The following TULP3 variants were observed in gnomAD, a reference collection of about 807,000 sequenced individuals.
TULP3 encodes TUB like protein 3.
In TULP3, 38 loss-of-function variants were observed where a neutral mutation model predicts 50.7. The observed-to-expected ratio is 0.75, with a 90% CI of 0.58 to 0.98. The LOEUF (loss-of-function observed/expected upper bound fraction) is 0.98, where lower values mean the gene tolerates loss of function less well. TULP3 is among the 50% of genes least tolerant of loss of function. TULP3 has a pLI of 0.00. For missense variants in TULP3, 550 were observed against 568.0 expected, an observed-to-expected ratio of 0.97 and a Z score of 0.32; for synonymous variants, 183 against 196.6, an observed-to-expected ratio of 0.93 and a Z score of 0.58.
At chr12:2,937,053 C>T (rs1377976468) in intron 8 of TULP3, among the ~76,000 whole-genome samples, 1 of 151,096 alleles carries the variant, frequency 6.6e-6, no homozygotes, top group Non-Finnish European at 1.5e-5. Context: ...TTGCAGTGAG[C>T]TGAGATTGTG....
chr12:2,905,746 C>T (rs2098181830), intron 1 of TULP3, among the ~76,000 whole-genome samples: 1 of 151,926 alleles, frequency 6.6e-6, no homozygotes, highest in Admixed American at 6.6e-5. Context: ...GTCAGAGACA[C>T]ACCTGTTTTT....
intron 1 of TULP3, among the ~76,000 whole-genome samples, chr12:2,905,376 G>C (rs2098181607): frequency 6.6e-6 from 1 of 151,744 alleles, no homozygotes; most frequent in African/African-American, 2.4e-5. Flanking sequence ...AGTAGAGACG[G>C]GGTTTCACCA....
chr12:2,939,476 A>G lies in TULP3; in HGVS notation c.*32A>G. ...AGTCAGGCAGGGAGCCCTTCTCCCC[A>G]CAGAGCTTTCAGGAGCAGACAGTGG... On this transcript the variant is annotated 3_prime_UTR_variant, in exon 11 of 11. Transcript: ENST00000448120. This position sits in a 1 kb window ranked among gnomAD's most constrained non-coding sequence, Gnocchi z 4.0. 1.2e-6 allele frequency: 2 copies of G among 1,612,580 alleles called. No individual in the cohort carries two copies. The highest frequency in any genetic ancestry group is 4.5e-5 in the East Asian group (2 of 44,882).
intron 6 of TULP3, among the ~76,000 whole-genome samples, 192 bp downstream of exon 6, chr12:2,931,432 T>C (rs2098197999): frequency 6.6e-6 from 1 of 152,246 alleles, no homozygotes; most frequent in African/African-American, 2.4e-5. Flanking sequence ...CAGCAAGCTC[T>C]ACCCTCCCAC....
At chr12:2,899,780 T>C (rs2153947896) in intron 1 of TULP3, among the ~76,000 whole-genome samples, 1 of 151,472 alleles carries the variant, frequency 6.6e-6, no homozygotes. Context: ...GTAGTCTTAG[T>C]TACTCGGGAG....
intron 2 of TULP3, among the ~76,000 whole-genome samples, chr12:2,917,931 C>T (rs1002591144): frequency 3.3e-5 from 5 of 150,472 alleles, no homozygotes; most frequent in Non-Finnish European, 5.9e-5. Context: ...ACTAAAAATA[C>T]AAAAAAAATT....
chr12:2,895,505 G>T (rs2098175039), intron 1 of TULP3, among the ~76,000 whole-genome samples: 1 of 152,218 alleles, frequency 6.6e-6, no homozygotes, highest in Non-Finnish European at 1.5e-5. Flanking sequence ...GTTCAAGCCA[G>T]ATGTGTTCTT....
chr12:2,920,733 T>C, intron 2 of TULP3, 30 bp from the exon 3 acceptor site: 4 of 1,612,470 alleles, frequency 2.5e-6, no homozygotes, highest in Non-Finnish European at 3.4e-6. Flanking sequence ...AAAACTCTCC[T>C]TGCTGGCTGT....
At chr12:2,927,732 C>T (rs112007707) in intron 4 of TULP3, among the ~76,000 whole-genome samples, 53 of 152,052 alleles carry the variant, frequency 3.5e-4, no homozygotes, top group African/African-American at 9.2e-4. Context: ...ATGTATGTAC[C>T]GTATAAAAAT....
chr12:2,903,619 G>A (rs1486240650), intron 1 of TULP3, among the ~76,000 whole-genome samples: 2 of 151,174 alleles, frequency 1.3e-5, no homozygotes, highest in Non-Finnish European at 2.9e-5. Flanking sequence ...TTGCAAGAAA[G>A]CACAGTTGAT....
intron 4 of TULP3, among the ~76,000 whole-genome samples, chr12:2,926,996 A>G (rs560311890): frequency 1.3e-5 from 2 of 152,248 alleles, no homozygotes; most frequent in African/African-American, 4.8e-5. Flanking sequence ...CACCCCCAAA[A>G]GAAACCTCAT....
At chr12:2,938,533 C>T (rs1474753416) in intron 10 of TULP3, among the ~76,000 whole-genome samples, 1 of 152,096 alleles carries the variant, frequency 6.6e-6, no homozygotes, top group Admixed American at 6.6e-5. Context: ...CCATGGCTCA[C>T]GTCTGTAATC....
At position 2,940,651 on chromosome 12, in the gene TULP3, C is replaced by A. The variant is rs756399428; in HGVS notation, c.*1207C>A. On this transcript the variant is annotated 3_prime_UTR_variant, in exon 11 of 11. Coordinates refer to ENST00000448120, the MANE Select transcript of TULP3 (RefSeq NM_003324.5). Reference sequence around the variant, plus strand: ...GGGTGGGACACCCGTGGCGGCTGCTCCCTCAGACCTCCCTTCTGTGGACTG... The same window carrying A: ...GGGTGGGACACCCGTGGCGGCTGCTACCTCAGACCTCCCTTCTGTGGACTG... The A allele has an allele frequency of 2.6e-6, 4 of 1,551,612 alleles. No individual in the cohort carries two copies. The highest frequency in any genetic ancestry group is 3.5e-6 in the Non-Finnish European group (4 of 1,147,004).
rs536828176 is a variant in TULP3, at chr12:2,902,732, G to C, written c.42-6797G>C. Among the ~76,000 whole-genome samples the C allele has an allele frequency of 5.9e-5, 9 of 152,218 alleles. No individual in the cohort carries two copies. The South Asian group carries it at 1.9e-3, about 32-fold the overall frequency. On this transcript the variant is annotated intron_variant, in intron 1 of 10. Transcript: ENST00000448120. ...TATAGCACTAGACTAGCAATGGAGAGTAACGTTTTAAAGTATGCTCAAAGT... is the reference window on the plus strand; with the variant it reads ...TATAGCACTAGACTAGCAATGGAGACTAACGTTTTAAAGTATGCTCAAAGT...
chr12:2,920,707 A>G, intron 2 of TULP3, 56 bp from the exon 3 acceptor site: 27 of 1,577,768 alleles, frequency 1.7e-5, no homozygotes, highest in Non-Finnish European at 2.3e-5. Flanking sequence ...CATGTTGGAA[A>G]TGGTTAGGTC....
intron 1 of TULP3, among the ~76,000 whole-genome samples, chr12:2,906,752 C>G (rs971493620): frequency 6.7e-6 from 1 of 150,102 alleles, no homozygotes; most frequent in Non-Finnish European, 1.5e-5. Flanking sequence ...CCCGTCTCTA[C>G]TAAAAATACA....
At chr12:2,917,962 G>A (rs1265083512) in intron 2 of TULP3, among the ~76,000 whole-genome samples, 1 of 151,800 alleles carries the variant, frequency 6.6e-6, no homozygotes, top group Non-Finnish European at 1.5e-5. Context: ...GGTGGCAGGT[G>A]CCTGTTATCC....
chr12:2,908,298 T>C (rs574398959), intron 1 of TULP3, among the ~76,000 whole-genome samples: 2 of 152,352 alleles, frequency 1.3e-5, no homozygotes, highest in East Asian at 3.9e-4. Context: ...AGTAAACATT[T>C]ATCATCCAAA....
At chr12:2,893,127 T>A (rs1336521037) in intron 1 of TULP3, among the ~76,000 whole-genome samples, 1 of 151,768 alleles carries the variant, frequency 6.6e-6, no homozygotes, top group Non-Finnish European at 1.5e-5. Context: ...CCTCCAAAAC[T>A]TCTGGGATTA....
Sources: allele counts gnomAD v4.1 joint callset (sites outside exome capture counted in the v4.1 genomes callset), GRCh38; gene constraint gnomAD v4.1.1; non-coding constraint Gnocchi (gnomAD v3.1); transcripts MANE v1.5; gene names NCBI Gene and HGNC (gene_info 2026-07-23, HGNC 2026-07-21).